ATP6V1H: variants seen among roughly 807,000 people sequenced by gnomAD.
ATP6V1H encodes the protein ATPase H+ transporting V1 subunit H.
Under a neutral mutation model 71.7 loss-of-function variants are expected in ATP6V1H, and 39 were observed. The observed-to-expected ratio is 0.54, with a 90% CI of 0.42 to 0.71. ATP6V1H has a LOEUF of 0.71. ATP6V1H is among the 30% of genes least tolerant of loss of function. The pLI is 0.00. For missense variants in ATP6V1H, 509 were observed against 594.9 expected, an observed-to-expected ratio of 0.86 and a Z score of 1.50; for synonymous variants, 192 against 199.3, an observed-to-expected ratio of 0.96 and a Z score of 0.31.
intron 11 of ATP6V1H, 151 bp from the exon 12 acceptor site, chr8:53,756,807 G>T (rs1396252117): frequency 3.7e-6 from 2 of 534,486 alleles, no homozygotes; most frequent in Non-Finnish European, 6.4e-6. Context: ...ACATAAGTTT[G>T]CAGTTTTCAA....
intron 4 of ATP6V1H, among the ~76,000 whole-genome samples, chr8:53,817,959 CAG>C (rs1239368718): frequency 6.6e-6 from 1 of 152,166 alleles, no homozygotes; most frequent in Non-Finnish European, 1.5e-5. Flanking sequence ...GCAAGGGAAA[CAG>C]GGAATTAAAT....
intron 13 of ATP6V1H, among the ~76,000 whole-genome samples, chr8:53,722,193 T>C (rs1041410835): frequency 6.6e-6 from 1 of 152,242 alleles, no homozygotes; most frequent in Non-Finnish European, 1.5e-5. Flanking sequence ...CTTCCCCTGC[T>C]ACTACCAGCC....
intron 9 of ATP6V1H, among the ~76,000 whole-genome samples, chr8:53,791,910 T>G (rs1809576316): frequency 6.6e-6 from 1 of 152,204 alleles, no homozygotes; most frequent in African/African-American, 2.4e-5. Flanking sequence ...GGCACATACA[T>G]GGAACCCACA....
At chr8:53,748,332 G>A (rs1361408136) in intron 12 of ATP6V1H, among the ~76,000 whole-genome samples, 1 of 152,142 alleles carries the variant, frequency 6.6e-6, no homozygotes, top group Non-Finnish European at 1.5e-5. Flanking sequence ...TGAAAAGGTG[G>A]TGTAAATGGT....
intron 4 of ATP6V1H, among the ~76,000 whole-genome samples, chr8:53,824,828 T>C (rs1359093392): frequency 6.6e-6 from 1 of 151,932 alleles, no homozygotes; most frequent in Non-Finnish European, 1.5e-5. Flanking sequence ...TAGAAAATTA[T>C]AAAATTTTAA....
At chr8:53,798,740 G>C (rs761342298) in intron 8 of ATP6V1H, among the ~76,000 whole-genome samples, 1 of 152,012 alleles carries the variant, frequency 6.6e-6, no homozygotes, top group East Asian at 1.9e-4. Context: ...CTTTCAGCAA[G>C]TTATTATACT....
chr8:53,822,567 T>C (rs1810696294), intron 4 of ATP6V1H, among the ~76,000 whole-genome samples: 1 of 151,338 alleles, frequency 6.6e-6, no homozygotes, highest in African/African-American at 2.4e-5. Context: ...GCCAAAAAAG[T>C]TTAATAAAAA....
chr8:53,788,890 T>C (rs1809471452), intron 9 of ATP6V1H, among the ~76,000 whole-genome samples: 1 of 152,252 alleles, frequency 6.6e-6, no homozygotes, highest in South Asian at 2.1e-4. Context: ...AGTCTGGCTC[T>C]ACACTTATGG....
intron 13 of ATP6V1H, among the ~76,000 whole-genome samples, chr8:53,738,031 A>G (rs1366541810): frequency 1.3e-5 from 2 of 152,236 alleles, no homozygotes; most frequent in East Asian, 3.8e-4. Context: ...TAAATATCTT[A>G]GAGAGTGAAT....
At chr8:53,764,927 C>T (rs946991433) in intron 11 of ATP6V1H, among the ~76,000 whole-genome samples, 1 of 152,072 alleles carries the variant, frequency 6.6e-6, no homozygotes, top group African/African-American at 2.4e-5. Context: ...AGTGACATCC[C>T]ATCTCCACAA....
intron 4 of ATP6V1H, among the ~76,000 whole-genome samples, chr8:53,819,637 C>G (rs1188135647): frequency 1.3e-5 from 1 of 77,788 alleles, no homozygotes; most frequent in Non-Finnish European, 2.1e-5. Flanking sequence ...TATGTATATA[C>G]AAATGTATAT....
intron 9 of ATP6V1H, among the ~76,000 whole-genome samples, chr8:53,776,095 G>A (rs960812383): frequency 6.6e-6 from 1 of 152,220 alleles, no homozygotes; most frequent in African/African-American, 2.4e-5. Context: ...CCGGTGGGCT[G>A]GCACCGGTGG....
intron 13 of ATP6V1H, among the ~76,000 whole-genome samples, chr8:53,731,561 A>G (rs1807025815): frequency 6.6e-6 from 1 of 152,038 alleles, no homozygotes; most frequent in African/African-American, 2.4e-5. Context: ...TGCTTGCTCA[A>G]TTGATCATGA....
intron 9 of ATP6V1H, among the ~76,000 whole-genome samples, chr8:53,778,552 C>T (rs1379432510): frequency 6.6e-6 from 1 of 152,132 alleles, no homozygotes; most frequent in Non-Finnish European, 1.5e-5. Flanking sequence ...GAATGAAATC[C>T]TGTCATCTGC....
rs547274202 is a variant in ATP6V1H, at chr8:53,812,369, T to C, written c.526-1152A>G. 1.1e-4 allele frequency among the ~76,000 whole-genome samples: 16 copies of C among 152,356 alleles called. No homozygotes were observed. The South Asian group carries it at 2.1e-3, about 20-fold the overall frequency. On this transcript the variant is annotated intron_variant, in intron 6 of 13. Coordinates refer to ENST00000359530, the MANE Select transcript of ATP6V1H (RefSeq NM_015941.4). ...GCAGAAAATACTTGAAGAGCATTTA[T>C]CTATAAAAAGTTCAATTCTAATGAA...
chr8:53,766,999 A>G (rs1808494222), intron 11 of ATP6V1H, among the ~76,000 whole-genome samples: 2 of 151,968 alleles, frequency 1.3e-5, no homozygotes, highest in Admixed American at 1.3e-4. Flanking sequence ...CCCCTTTTGA[A>G]ACTCCCTAAT....
chr8:53,824,880 T>C (rs1810779643), intron 4 of ATP6V1H, among the ~76,000 whole-genome samples: 2 of 151,680 alleles, frequency 1.3e-5, no homozygotes, highest in African/African-American at 4.8e-5. Context: ...TAGAGAAAAA[T>C]TCAATCACAA....
At chr8:53,749,922 G>T (rs1265761245) in intron 12 of ATP6V1H, among the ~76,000 whole-genome samples, 1 of 152,140 alleles carries the variant, frequency 6.6e-6, no homozygotes, top group Admixed American at 6.5e-5. Context: ...AATCATCAGG[G>T]TGTGATTTCT....
intron 12 of ATP6V1H, among the ~76,000 whole-genome samples, chr8:53,750,207 G>A (rs891399889): frequency 3.3e-5 from 5 of 152,116 alleles, no homozygotes; most frequent in East Asian, 1.9e-4. Flanking sequence ...TAACTGTCAC[G>A]TTATGCTCTC....
Sources: allele counts gnomAD v4.1 joint callset (sites outside exome capture counted in the v4.1 genomes callset), GRCh38; gene constraint gnomAD v4.1.1; transcripts MANE v1.5; gene names NCBI Gene and HGNC (gene_info 2026-07-23, HGNC 2026-07-21).